The following DNAAF11 variants were observed in gnomAD, a reference collection of about 807,000 sequenced individuals.
DNAAF11 encodes the protein leucine rich repeat containing 6.
DNAAF11 carries 45 observed loss-of-function variants against 60.8 expected under a neutral mutation model. That is an observed-to-expected ratio of 0.74 (90% CI 0.58 to 0.95). The LOEUF is 0.95. Among genes scored for constraint, DNAAF11 ranks in the 40% least tolerant of loss-of-function variants. The pLI is 0.00. For synonymous variants in DNAAF11, 191 were observed against 183.5 expected, an observed-to-expected ratio of 1.04 and a Z score of -0.33; for missense variants, 546 against 546.2, an observed-to-expected ratio of 1.00 and a Z score of 0.00.
chr8:132,629,400 T>G (rs1433596177), intron 5 of DNAAF11, among the ~76,000 whole-genome samples: 1 of 150,834 alleles, frequency 6.6e-6, no homozygotes, highest in East Asian at 2.0e-4. Flanking sequence ...CAGGCTGGAG[T>G]GCAGTGGCCC....
intron 1 of DNAAF11, among the ~76,000 whole-genome samples, chr8:132,664,956 A>G (rs2130841688): frequency 6.6e-6 from 1 of 152,308 alleles, no homozygotes; most frequent in Middle Eastern, 3.4e-3. Context: ...CTCCCTTAGC[A>G]TGAATAACTA....
chr8:132,698,115 T>C, the DNAAF11 span, among the ~76,000 whole-genome samples: 1 of 152,180 alleles, frequency 6.6e-6, no homozygotes, highest in Non-Finnish European at 1.5e-5. Flanking sequence ...CTCACCCTCT[T>C]GGACCCTCAC....
chr8:132,661,308 C>T (rs566656574), intron 2 of DNAAF11, 152 bp downstream of exon 2: 10 of 645,622 alleles, frequency 1.5e-5, no homozygotes, highest in East Asian at 5.6e-5. Context: ...TTCAGGGAAA[C>T]GCCCCCCACA....
At chr8:132,684,427 A>C in the DNAAF11 span, among the ~76,000 whole-genome samples, 3 of 152,160 alleles carry the variant, frequency 2.0e-5, no homozygotes, top group Admixed American at 2.0e-4. Context: ...GTTTCATCAC[A>C]TAGGTATAAT....
intron 2 of DNAAF11, among the ~76,000 whole-genome samples, chr8:132,657,947 A>G (rs2130787426): frequency 6.6e-6 from 1 of 152,318 alleles, no homozygotes; most frequent in South Asian, 2.1e-4. Flanking sequence ...TTAAAAGAAC[A>G]GTCCTTTCTA....
chr8:132,679,270 G>A (rs933901363), upstream of DNAAF11, among the ~76,000 whole-genome samples: 5 of 152,130 alleles, frequency 3.3e-5, no homozygotes, highest in East Asian at 1.9e-4. Context: ...CCTAGCTCTC[G>A]CAAAATTCCT....
intron 10 of DNAAF11, among the ~76,000 whole-genome samples, chr8:132,591,268 A>T (rs1017244280): frequency 1.3e-5 from 2 of 152,010 alleles, no homozygotes; most frequent in Admixed American, 6.6e-5. Context: ...TTTAAATAGG[A>T]ATTTGGCAGG....
chr8:132,625,255 A>G lies in DNAAF11; in HGVS notation c.836+17T>C, dbSNP rs1820136380. Reference sequence around the variant, plus strand: ...TAAGTGGCTACTGCTTCCCTCTCCTAGGAAAGAATGAAATACCTTAATTTT... The same window carrying G: ...TAAGTGGCTACTGCTTCCCTCTCCTGGGAAAGAATGAAATACCTTAATTTT... On this transcript the variant is annotated intron_variant, in intron 6 of 11. Transcript: ENST00000620350. The G allele has an allele frequency of 6.3e-7, 1 of 1,576,392 alleles. No homozygotes were observed. Among genetic ancestry groups the G allele is most frequent in the African/African-American group, 1.4e-5 (1 of 73,596 alleles).
chr8:132,668,430 T>C (rs967741010), intron 1 of DNAAF11, among the ~76,000 whole-genome samples: 1 of 151,938 alleles, frequency 6.6e-6, no homozygotes, highest in African/African-American at 2.4e-5. Context: ...AGAAGCTTCA[T>C]GGAGGAGGAG....
chr8:132,578,465 T>C, intron 11 of DNAAF11: 3 of 1,532,388 alleles, frequency 2.0e-6, no homozygotes, highest in Non-Finnish European at 2.6e-6. Flanking sequence ...ATCACTGGTC[T>C]TACCCACGAC....
intron 3 of DNAAF11, among the ~76,000 whole-genome samples, chr8:132,645,445 G>A (rs1213639304): frequency 6.6e-6 from 1 of 152,190 alleles, no homozygotes; most frequent in Non-Finnish European, 1.5e-5. Context: ...CCAAAGGAAC[G>A]CAGCTCCTCG....
At chr8:132,647,505 C>T (rs1388919316) in intron 3 of DNAAF11, among the ~76,000 whole-genome samples, 6 of 152,126 alleles carry the variant, frequency 3.9e-5, no homozygotes, top group Non-Finnish European at 8.8e-5. Context: ...CAAGAAATAA[C>T]TTAGATCAGA....
the DNAAF11 span, chr8:132,687,532 C>A: frequency 2.2e-6 from 1 of 451,042 alleles, no homozygotes. Flanking sequence ...AGACAGACAG[C>A]TGTAACAGGT....
intron 2 of DNAAF11, among the ~76,000 whole-genome samples, chr8:132,658,649 T>C (rs1417845459): frequency 6.6e-6 from 1 of 152,198 alleles, no homozygotes; most frequent in Non-Finnish European, 1.5e-5. Context: ...TGCTAAGAAC[T>C]ATGAGAGTCT....
At chr8:132,653,689 T>C (rs1430956438) in intron 3 of DNAAF11, among the ~76,000 whole-genome samples, 1 of 152,150 alleles carries the variant, frequency 6.6e-6, no homozygotes, top group African/African-American at 2.4e-5. Flanking sequence ...GAAATGAAGT[T>C]GGTATGAATT....
chr8:132,661,473 A>C lies in DNAAF11; in HGVS notation c.165T>G (p.Leu55=), dbSNP rs1015070031. The change falls in exon 2 of 12, where the codon CTT becomes CTG. Residue 55 remains leucine (L), a synonymous_variant. Transcript: ENST00000620350. The part of the protein sequence containing the change: ...DLKILYLQNN[L]IGKIENVSKL... ...ACTGAAACTTACCAATTTTCCCAATAAGATTATTTTGAAGATAGAGAATTT... is the reference window on the plus strand; with the variant it reads ...ACTGAAACTTACCAATTTTCCCAATCAGATTATTTTGAAGATAGAGAATTT... 1 of 1,611,764 alleles carries C rather than the reference A, an allele frequency of 6.2e-7. No individual in the cohort carries two copies. The highest frequency in any genetic ancestry group is 1.3e-5 in the African/African-American group (1 of 74,790).
chr8:132,663,764 G>T (rs1824355232), intron 1 of DNAAF11, among the ~76,000 whole-genome samples: 1 of 152,206 alleles, frequency 6.6e-6, no homozygotes, highest in Non-Finnish European at 1.5e-5. Context: ...GGGGCTCCAA[G>T]CCTTACTCTA....
At chr8:132,610,048 C>T in intron 10 of DNAAF11, 118 bp downstream of exon 10, 1 of 650,318 alleles carries the variant, frequency 1.5e-6, no homozygotes, top group Non-Finnish European at 2.7e-6. Flanking sequence ...TGTGAGATTT[C>T]CTGGTGCTCC....
intron 5 of DNAAF11, among the ~76,000 whole-genome samples, chr8:132,631,203 T>C (rs1820763858): frequency 1.3e-5 from 2 of 152,120 alleles, no homozygotes; most frequent in Admixed American, 6.5e-5. Context: ...ATTCTATTCC[T>C]GTGAGAATAG....
Sources: gnomAD v4.1 joint callset for allele counts (sites outside exome capture counted in the v4.1 genomes callset) on GRCh38, gnomAD v4.1.1 for gene constraint, MANE v1.5 for transcripts, NCBI Gene and HGNC (gene_info 2026-07-23, HGNC 2026-07-21) for gene names.